Variants in DCC observed in about 807,000 individuals in gnomAD.
DCC encodes the protein DCC netrin 1 receptor.
In DCC, 58 loss-of-function variants were observed where a neutral mutation model predicts 172.5. That is an observed-to-expected ratio of 0.34 (90% CI 0.27 to 0.42). The LOEUF (loss-of-function observed/expected upper bound fraction) is 0.42. Among genes scored for constraint, DCC ranks in the 10% least tolerant of loss-of-function variants. DCC has a pLI of 1.00. For synonymous variants in DCC, 709 were observed against 644.5 expected (o/e 1.10, Z -1.52); for missense variants, 1,740 against 1,791.0 (o/e 0.97, Z 0.51).
At chr18:52,729,554 C>T (rs1242820502) in intron 1 of DCC, among the ~76,000 whole-genome samples, 1 of 152,182 alleles carries the variant, frequency 6.6e-6, no homozygotes, top group Non-Finnish European at 1.5e-5. Flanking sequence ...GCCACCATGC[C>T]CAGCCATTTG....
chr18:52,991,945 A>G (rs2041399790), intron 5 of DCC, among the ~76,000 whole-genome samples: 4 of 152,326 alleles, frequency 2.6e-5, no homozygotes, highest in Admixed American at 2.6e-4. Flanking sequence ...GCAAGGTGGG[A>G]TATTTTACCA....
intron 5 of DCC, among the ~76,000 whole-genome samples, chr18:53,050,177 C>G (rs564651073): frequency 6.6e-6 from 1 of 152,222 alleles, no homozygotes; most frequent in South Asian, 2.1e-4. Context: ...TCTAGCCACG[C>G]TGGCAGCAGA....
chr18:53,424,193 A>G (rs1387116601), intron 21 of DCC, among the ~76,000 whole-genome samples: 1 of 152,192 alleles, frequency 6.6e-6, no homozygotes, highest in Non-Finnish European at 1.5e-5. Flanking sequence ...CAGAAAATTT[A>G]TAGATTTGAA....
intron 1 of DCC, among the ~76,000 whole-genome samples, chr18:52,456,891 G>C (rs1598833217): frequency 1.3e-5 from 2 of 151,946 alleles, no homozygotes; most frequent in Middle Eastern, 6.9e-3. Flanking sequence ...GTAAAGCACT[G>C]CTTCCCAAGG....
At chr18:53,384,162 G>A (rs1005714078) in intron 15 of DCC, among the ~76,000 whole-genome samples, 3 of 152,104 alleles carry the variant, frequency 2.0e-5, no homozygotes, top group African/African-American at 7.2e-5. Context: ...TGGGGATCAG[G>A]GAACAATATT....
intron 15 of DCC, among the ~76,000 whole-genome samples, chr18:53,374,192 T>C (rs1323238994): frequency 6.6e-6 from 1 of 152,198 alleles, no homozygotes; most frequent in African/African-American, 2.4e-5. Flanking sequence ...TCCACATTTC[T>C]TCTACTCACA....
intron 5 of DCC, among the ~76,000 whole-genome samples, chr18:52,958,737 T>A (rs1395742234): frequency 6.6e-6 from 1 of 151,988 alleles, no homozygotes; most frequent in African/African-American, 2.4e-5. Context: ...GGAGGTGATA[T>A]ACTCAGCTGG....
chr18:53,360,467 G>T (rs942199759), intron 15 of DCC, among the ~76,000 whole-genome samples: 4 of 152,038 alleles, frequency 2.6e-5, no homozygotes, highest in African/African-American at 9.7e-5. Context: ...AATATTATAT[G>T]TTGTCTCAAA....
rs545566294 is a variant in DCC, at chr18:52,848,317, C to A, written c.413-57727C>A. ...GGCCAGGCTAGTCTCAAACTTCTGA[C>A]CCCAGGTGATTTGCCCACCTCGGCC... On this transcript the variant is annotated intron_variant, in intron 2 of 28. Transcript: ENST00000442544. 9.3e-4 allele frequency among the ~76,000 whole-genome samples: 142 copies of A among 152,136 alleles called. 1 individual carries two copies. Among genetic ancestry groups the A allele is most frequent in the African/African-American group, 3.3e-3 (139 of 41,512 alleles).
intron 22 of DCC, among the ~76,000 whole-genome samples, chr18:53,447,043 A>G (rs996938791): frequency 4.6e-5 from 7 of 152,228 alleles, no homozygotes; most frequent in African/African-American, 7.2e-5. Flanking sequence ...TCGACATTAT[A>G]TATTAAATAA....
chr18:53,026,174 T>A (rs943895344), intron 5 of DCC, among the ~76,000 whole-genome samples: 1 of 152,130 alleles, frequency 6.6e-6, no homozygotes, highest in Non-Finnish European at 1.5e-5. Flanking sequence ...TTGGAAGATA[T>A]TGATATTTAA....
intron 1 of DCC, among the ~76,000 whole-genome samples, chr18:52,609,660 T>C (rs139123753): frequency 0.04 from 6,134 of 151,974 alleles, 160 homozygotes; most frequent in Non-Finnish European, 0.053. Flanking sequence ...AACTTTGCTG[T>C]AGAATTTTCA....
rs2055605823 is a variant in DCC, at chr18:53,205,217, G to A, written c.1575G>A (p.Leu525=). The change falls in exon 10 of 29, where the codon TTG becomes TTA. Residue 525 remains leucine, a splice_region_variant and synonymous_variant. Coordinates refer to ENST00000442544, the MANE Select transcript of DCC (RefSeq NM_005215.4). ...QPIKVATQPE[L]QVPGPVENLQ... ...TTTCTTTATTATTTTTTTATACAGT[G>A]CAAGTTCCAGGGCCAGTAGAAAACC... 2.5e-6 allele frequency: 4 copies of A among 1,611,448 alleles called. No individual in the cohort carries two copies. The highest frequency in any genetic ancestry group is 1.3e-5 in the African/African-American group (1 of 74,758).
intron 5 of DCC, among the ~76,000 whole-genome samples, chr18:52,951,400 A>G (rs2040644303): frequency 6.6e-6 from 1 of 152,090 alleles, no homozygotes; most frequent in Admixed American, 6.5e-5. Context: ...CCCTGCATGC[A>G]TTAGATATTT....
chr18:52,756,860 G>A (rs1332627089), intron 2 of DCC: 1 of 152,118 alleles, frequency 6.6e-6, no homozygotes, highest in Non-Finnish European at 1.5e-5. Context: ...GACAGCCATA[G>A]TATAAATAGA....
chr18:52,869,101 G>T (rs946493831), intron 2 of DCC, among the ~76,000 whole-genome samples: 1 of 152,216 alleles, frequency 6.6e-6, no homozygotes, highest in African/African-American at 2.4e-5. Flanking sequence ...ACTTCCCTTT[G>T]CCTGCAATGT....
At chr18:52,503,747 A>T (rs1386842535) in intron 1 of DCC, among the ~76,000 whole-genome samples, 1 of 152,068 alleles carries the variant, frequency 6.6e-6, no homozygotes, top group African/African-American at 2.4e-5. Flanking sequence ...TAACCAAGAG[A>T]ACCCTCTTGT....
At chr18:53,144,216 A>G (rs1458657620) in intron 7 of DCC, among the ~76,000 whole-genome samples, 1 of 152,106 alleles carries the variant, frequency 6.6e-6, no homozygotes, top group Non-Finnish European at 1.5e-5. Context: ...ATGTTTCCTC[A>G]TGTAGAAGTT....
intron 14 of DCC, among the ~76,000 whole-genome samples, chr18:53,336,306 C>T (rs1261189797): frequency 6.6e-6 from 1 of 152,118 alleles, no homozygotes; most frequent in Non-Finnish European, 1.5e-5. Context: ...ATAGTTCATT[C>T]CAGTAGTAAC....
Sources: gnomAD v4.1 joint callset for allele counts (sites outside exome capture counted in the v4.1 genomes callset) on GRCh38, gnomAD v4.1.1 for gene constraint, MANE v1.5 for transcripts, NCBI Gene and HGNC (gene_info 2026-07-23, HGNC 2026-07-21) for gene names.